The following PES1 variants were observed in gnomAD, a reference collection of about 807,000 sequenced individuals.
PES1 encodes pescadillo ribosomal biogenesis factor 1.
A neutral mutation model predicts 77.1 loss-of-function variants in PES1; 31 were observed. That is an observed-to-expected ratio of 0.40 (90% CI 0.30 to 0.54). The LOEUF is 0.54. Ranked by LOEUF, PES1 falls within the 20% of genes least tolerant of loss-of-function variation. The probability of loss-of-function intolerance (pLI) is 0.45; values close to 1 mark genes in which losing one functional copy is unlikely to be tolerated. For missense variants in PES1, 658 were observed against 771.7 expected (o/e 0.85, Z 1.75); for synonymous variants, 282 against 303.0 (o/e 0.93, Z 0.72).
intron 6 of PES1, among the ~76,000 whole-genome samples, chr22:30,582,451 C>G (rs977950562): frequency 6.6e-6 from 1 of 152,206 alleles, no homozygotes; most frequent in African/African-American, 2.4e-5. Context: ...ATCCCAGCAG[C>G]AGGGGACACA....
Position 30,591,847 on chromosome 22 carries a change from G to A in PES1, c.-14C>T. On this transcript the variant is annotated 5_prime_UTR_variant, in exon 1 of 15. Coordinates refer to ENST00000354694, the MANE Select transcript of PES1 (RefSeq NM_014303.4). ...AAGGCCTCCCATCGCTCCACGTTGAGGAGCCGACTAGGGCCGCGCGTACAG... is the reference window on the plus strand; with the variant it reads ...AAGGCCTCCCATCGCTCCACGTTGAAGAGCCGACTAGGGCCGCGCGTACAG... 6.4e-7 allele frequency: 1 copy of A among 1,554,198 alleles called. No homozygotes were observed. Among genetic ancestry groups the A allele is most frequent in the South Asian group, 1.2e-5 (1 of 84,450 alleles).
chr22:30,596,099 A>G (rs1387363920), upstream of PES1, among the ~76,000 whole-genome samples: 1 of 152,170 alleles, frequency 6.6e-6, no homozygotes, highest in Non-Finnish European at 1.5e-5. Flanking sequence ...TACATCAAGG[A>G]AAATTCAGAG....
chr22:30,591,772 C>G (rs201766739), intron 1 of PES1, 38 bp downstream of exon 1: 1 of 1,551,452 alleles, frequency 6.4e-7, no homozygotes, highest in African/African-American at 1.4e-5. Flanking sequence ...GCCCCCGCAC[C>G]CCACCCCTCG....
At chr22:30,600,391 A>G (rs1407230456) in intron 2 of PES1, among the ~76,000 whole-genome samples, 2 of 152,068 alleles carry the variant, frequency 1.3e-5, no homozygotes, top group African/African-American at 4.8e-5. Flanking sequence ...AACATAGATA[A>G]AGAACTCTTG....
At chr22:30,586,770 G>A (rs1204866025) in intron 4 of PES1, among the ~76,000 whole-genome samples, 1 of 152,150 alleles carries the variant, frequency 6.6e-6, no homozygotes, top group Non-Finnish European at 1.5e-5. Flanking sequence ...GCCAACATGG[G>A]GAAACCCAGT....
chr22:30,583,505 C>T (rs1324174526), intron 6 of PES1, among the ~76,000 whole-genome samples: 1 of 152,222 alleles, frequency 6.6e-6, no homozygotes, highest in African/African-American at 2.4e-5. Context: ...GGGCTAAATG[C>T]AGGCCACCAG....
intron 3 of PES1, 60 bp downstream of exon 3, chr22:30,587,957 CAGTT>C (rs2087116849): frequency 5.2e-6 from 8 of 1,544,220 alleles, no homozygotes; most frequent in East Asian, 4.5e-5. Context: ...CCCAAGGTCA[CAGTT>C]AGTTAGTGGG....
In PES1 at chr22:30,579,318, T is replaced by C. The variant is rs768358862; in HGVS notation, c.1355-15A>G. On this transcript the variant is annotated splice_polypyrimidine_tract_variant and intron_variant, in intron 12 of 14. Coordinates refer to ENST00000354694, the MANE Select transcript of PES1 (RefSeq NM_014303.4). Reference sequence around the variant, plus strand: ...ATTCAGGTTTCCTAGAGAAAGCCAATGTCCTCTGAATGCCCTGGGAATCTA... The same window carrying C: ...ATTCAGGTTTCCTAGAGAAAGCCAACGTCCTCTGAATGCCCTGGGAATCTA... 6.9e-6 allele frequency: 11 copies of C among 1,599,924 alleles called. No individual in the cohort carries two copies. The South Asian group carries it at 9.9e-5, about 14-fold the overall frequency.
intron 2 of PES1, chr22:30,604,127 A>T (rs1026002933): frequency 6.6e-6 from 1 of 152,176 alleles, no homozygotes; most frequent in African/African-American, 2.4e-5. Context: ...AAAATGTGGA[A>T]TGCTGAGTCC....
chr22:30,599,457 A>G (rs1490280494), intron 2 of PES1, among the ~76,000 whole-genome samples: 1 of 152,192 alleles, frequency 6.6e-6, no homozygotes, highest in South Asian at 2.1e-4. Context: ...TTTAATAGGA[A>G]ACAGCGAAAT....
chr22:30,587,076 C>A, intron 4 of PES1: 1 of 546,444 alleles, frequency 1.8e-6, no homozygotes, highest in Non-Finnish European at 3.2e-6. Context: ...TCAAACGTCT[C>A]CCTTCAGAGA....
At chr22:30,593,614 C>T (rs1046159983), upstream of PES1, among the ~76,000 whole-genome samples, 1 of 152,138 alleles carries the variant, frequency 6.6e-6, no homozygotes, top group African/African-American at 2.4e-5. Flanking sequence ...GTCATCTCAC[C>T]CTGTCCCTCA....
chr22:30,588,280 C>A, intron 2 of PES1, 106 bp from the exon 3 acceptor site: 1 of 1,350,124 alleles, frequency 7.4e-7, no homozygotes, highest in East Asian at 2.3e-5. Context: ...CATGGGGTCC[C>A]TGCCCTTAGA....
At chr22:30,601,239 T>TTA (rs2087349878) in intron 2 of PES1, among the ~76,000 whole-genome samples, 1 of 152,102 alleles carries the variant, frequency 6.6e-6, no homozygotes, top group African/African-American at 2.4e-5. Flanking sequence ...CAGCTGGTAT[T>TTA]GTTAGACAGC....
At chr22:30,603,230 C>T (rs1204347216) in intron 2 of PES1, among the ~76,000 whole-genome samples, 2 of 151,900 alleles carry the variant, frequency 1.3e-5, no homozygotes, top group Admixed American at 6.6e-5. Context: ...TAATTTTAAA[C>T]TCACAGGCCC....
chr22:30,605,239 A>T (rs998712188), intron 2 of PES1, among the ~76,000 whole-genome samples: 2 of 152,152 alleles, frequency 1.3e-5, no homozygotes, highest in African/African-American at 4.8e-5. Context: ...GGGCTCAAGC[A>T]ATCCTCCTGC....
chr22:30,605,379 G>A (rs1225130887), intron 2 of PES1: 2 of 807,276 alleles, frequency 2.5e-6, no homozygotes, highest in Non-Finnish European at 3.0e-6. Flanking sequence ...TAGGCAGGGG[G>A]GTGTCTCCCT....
intron 1 of PES1, 34 bp downstream of exon 1, chr22:30,591,776 C>T (rs1283416388): frequency 6.4e-7 from 1 of 1,552,878 alleles, no homozygotes; most frequent in Non-Finnish European, 8.7e-7. Flanking sequence ...CCGCACCCCA[C>T]CCCTCGGGAA....
upstream of PES1, among the ~76,000 whole-genome samples, chr22:30,595,751 A>G (rs1298421870): frequency 6.6e-6 from 1 of 151,962 alleles, no homozygotes; most frequent in African/African-American, 2.4e-5. Context: ...GGCCTCCCTG[A>G]TTCCCTCCAT....
Sources: allele counts gnomAD v4.1 joint callset (sites outside exome capture counted in the v4.1 genomes callset), GRCh38; gene constraint gnomAD v4.1.1; transcripts MANE v1.5; gene names NCBI Gene and HGNC (gene_info 2026-07-23, HGNC 2026-07-21).